MAML2: variants seen among roughly 807,000 people sequenced by gnomAD.
The protein encoded by MAML2 is mastermind-like protein 2.
MAML2 carries 22 observed loss-of-function variants against 96.1 expected under a neutral mutation model. The ratio of observed to expected loss-of-function variants is 0.23; its 90% confidence interval spans 0.16 to 0.33. The LOEUF is 0.33. Among genes scored for constraint, MAML2 ranks in the 10% least tolerant of loss-of-function variants. The pLI is 1.00. For synonymous variants in MAML2, 561 were observed against 521.3 expected, an observed-to-expected ratio of 1.08 and a Z score of -1.04; for missense variants, 1,367 against 1,392.4, an observed-to-expected ratio of 0.98 and a Z score of 0.29.
At chr11:96,226,096 T>C (rs1456252693) in intron 1 of MAML2, among the ~76,000 whole-genome samples, 1 of 152,230 alleles carries the variant, frequency 6.6e-6, no homozygotes. Context: ...AAATAAGATA[T>C]GGTGCATGTT....
At chr11:96,167,538 C>T (rs1052833556) in intron 1 of MAML2, among the ~76,000 whole-genome samples, 7 of 152,204 alleles carry the variant, frequency 4.6e-5, no homozygotes, top group African/African-American at 1.4e-4. Flanking sequence ...TTTGTCCCTG[C>T]TCCTCACATC....
chr11:96,244,901 A>G (rs1862489846), intron 1 of MAML2, among the ~76,000 whole-genome samples: 1 of 152,204 alleles, frequency 6.6e-6, no homozygotes, highest in South Asian at 2.1e-4. Flanking sequence ...CAGTCATAAG[A>G]TGTGCACAAA....
At chr11:96,338,075 T>C (rs568800156) in intron 1 of MAML2, among the ~76,000 whole-genome samples, 8 of 152,284 alleles carry the variant, frequency 5.3e-5, no homozygotes, top group Non-Finnish European at 1.2e-4. Context: ...TATCTAGTGA[T>C]CCTAGCAACA....
intron 1 of MAML2, among the ~76,000 whole-genome samples, chr11:96,173,697 T>C (rs1188939879): frequency 6.6e-6 from 1 of 152,168 alleles, no homozygotes; most frequent in Non-Finnish European, 1.5e-5. Flanking sequence ...CCCTCAGCGA[T>C]GGCAGAGGCC....
At chr11:96,015,665 G>A (rs1372305361) in intron 2 of MAML2, among the ~76,000 whole-genome samples, 1 of 151,816 alleles carries the variant, frequency 6.6e-6, no homozygotes, top group Non-Finnish European at 1.5e-5. Context: ...TATGCCATGG[G>A]GAAGACCAAA....
At chr11:96,064,025 C>T (rs1590989557) in intron 2 of MAML2, among the ~76,000 whole-genome samples, 1 of 152,156 alleles carries the variant, frequency 6.6e-6, no homozygotes, top group South Asian at 2.1e-4. Flanking sequence ...TTCCAAGCCT[C>T]CTGATTGGCT....
rs187064986 is a variant in MAML2, at chr11:96,165,965, C to T, written c.514-72448G>A. On this transcript the variant is annotated intron_variant, in intron 1 of 4. Coordinates refer to ENST00000524717, the MANE Select transcript of MAML2 (RefSeq NM_032427.4). ...AGGATATTTGTGCAGGTATCATGCA[C>T]AGCACAAGACCATGAGGACACAGTC... 1.9e-3 allele frequency among the ~76,000 whole-genome samples: 293 copies of T among 152,294 alleles called. 2 individuals carry two copies. The highest frequency in any genetic ancestry group is 4.3e-3 in the South Asian group (21 of 4,830).
At chr11:95,991,061 A>G (rs570315712) in intron 3 of MAML2, among the ~76,000 whole-genome samples, 114 of 151,078 alleles carry the variant, frequency 7.5e-4, no homozygotes, top group African/African-American at 2.4e-3. Flanking sequence ...CTTTTAAAAA[A>G]TCCCCCATTG....
chr11:96,092,224 GCTGCTGCT>G lies in MAML2; in HGVS notation c.1799_1806del (p.Gln600ProfsTer128), dbSNP rs1859730466. 1 of 1,468,646 alleles carries G rather than the reference GCTGCTGCT, an allele frequency of 6.8e-7. No homozygotes were observed. Among genetic ancestry groups the G allele is most frequent in the East Asian group, 2.7e-5 (1 of 37,512 alleles). The allele number at this position is 1,468,646 out of a possible 1,614,324, so 91.0% of individuals were successfully genotyped here. A position where few individuals can be genotyped will look rare whatever the true frequency, so the allele number is the denominator to read the frequency against. ...TGCTGCTGCTGTTGCTGCTGCTGCT[GCTGCTGCT>G]GCTGCTGCTGCTGCTGCTGTTGCTG... On this transcript the variant is annotated frameshift_variant, in exon 2 of 5. Coordinates refer to ENST00000524717, the MANE Select transcript of MAML2 (RefSeq NM_032427.4). LOFTEE classifies it high-confidence loss of function. This position sits in a 1 kb window ranked among gnomAD's most constrained non-coding sequence, Gnocchi z 4.1.
chr11:96,013,421 G>A (rs1036333088), intron 2 of MAML2, among the ~76,000 whole-genome samples: 3 of 152,196 alleles, frequency 2.0e-5, no homozygotes, highest in Admixed American at 6.5e-5. Flanking sequence ...CTGCTAGGAA[G>A]GGAAGAGTGT....
intron 1 of MAML2, among the ~76,000 whole-genome samples, chr11:96,118,430 C>T (rs980249380): frequency 2.0e-5 from 3 of 152,146 alleles, no homozygotes; most frequent in Non-Finnish European, 4.4e-5. Flanking sequence ...CCATGAAAGA[C>T]GTGCCTTGCT....
intron 2 of MAML2, among the ~76,000 whole-genome samples, chr11:96,075,107 G>C (rs957925597): frequency 1.3e-5 from 2 of 152,130 alleles, no homozygotes; most frequent in Non-Finnish European, 1.5e-5. Flanking sequence ...TGAGAAATTC[G>C]AGGTTAGACA....
At chr11:96,300,690 A>T (rs1176790959) in intron 1 of MAML2, among the ~76,000 whole-genome samples, 1 of 152,194 alleles carries the variant, frequency 6.6e-6, no homozygotes, top group African/African-American at 2.4e-5. Context: ...AATCAGCAAA[A>T]GGAAGATAAG....
chr11:96,229,612 C>CT (rs71040138), intron 1 of MAML2, among the ~76,000 whole-genome samples: 10,112 of 150,264 alleles, frequency 0.067, 435 homozygotes, highest in Non-Finnish European at 0.097. Flanking sequence ...ACCATGGTGC[C>CT]TTGACTACAT....
At chr11:96,243,611 T>C (rs901176201) in intron 1 of MAML2, among the ~76,000 whole-genome samples, 4 of 151,948 alleles carry the variant, frequency 2.6e-5, no homozygotes, top group Admixed American at 1.3e-4. Flanking sequence ...GTTAAAACTA[T>C]GAGAAAAGCT....
intron 1 of MAML2, among the ~76,000 whole-genome samples, chr11:96,292,110 G>A (rs1863221884): frequency 1.3e-5 from 2 of 152,090 alleles, no homozygotes; most frequent in African/African-American, 2.4e-5. Context: ...ATTTTACCTT[G>A]TAGCACATAA....
At chr11:96,331,154 C>T (rs912012729) in intron 1 of MAML2, among the ~76,000 whole-genome samples, 5 of 152,000 alleles carry the variant, frequency 3.3e-5, no homozygotes, top group African/African-American at 1.2e-4. Flanking sequence ...ACCTGCAGTC[C>T]CAGCTACTCA....
chr11:96,029,907 T>C (rs575107791), intron 2 of MAML2, among the ~76,000 whole-genome samples: 1 of 152,288 alleles, frequency 6.6e-6, no homozygotes, highest in Admixed American at 6.5e-5. Context: ...CTGGAAAAAG[T>C]GTTCAGCTAA....
At chr11:96,024,743 T>G (rs1012622778) in intron 2 of MAML2, among the ~76,000 whole-genome samples, 15 of 152,208 alleles carry the variant, frequency 9.9e-5, no homozygotes, top group African/African-American at 3.4e-4. Flanking sequence ...TCGGAACGGT[T>G]CTGGTACTTT....
Sources: allele counts gnomAD v4.1 joint callset (sites outside exome capture counted in the v4.1 genomes callset), GRCh38; gene constraint gnomAD v4.1.1; non-coding constraint Gnocchi (gnomAD v3.1); transcripts MANE v1.5; gene names NCBI Gene and HGNC (gene_info 2026-07-23, HGNC 2026-07-21).